The following LMNB1 variants were observed in gnomAD, a reference collection of about 807,000 sequenced individuals.
LMNB1 encodes lamin-B1.
Under a neutral mutation model 67.1 loss-of-function variants are expected in LMNB1, and 23 were observed. The observed-to-expected ratio is 0.34, with a 90% CI of 0.25 to 0.49. LMNB1 has a LOEUF of 0.49. Among genes scored for constraint, LMNB1 ranks in the 20% least tolerant of loss-of-function variants. LMNB1 has a pLI of 0.99. For missense variants in LMNB1, 634 were observed against 746.5 expected (o/e 0.85, Z 1.76); for synonymous variants, 281 against 282.9 (o/e 0.99, Z 0.07).
chr5:126,829,327 G>C (rs181723203), intron 9 of LMNB1, among the ~76,000 whole-genome samples: 1 of 152,048 alleles, frequency 6.6e-6, no homozygotes, highest in East Asian at 1.9e-4. Flanking sequence ...GGGGACGCAG[G>C]ATAGCTGCTG....
intron 1 of LMNB1, among the ~76,000 whole-genome samples, chr5:126,789,788 C>G (rs895468262): frequency 1.3e-5 from 2 of 152,122 alleles, no homozygotes; most frequent in Non-Finnish European, 2.9e-5. Flanking sequence ...ATTCTCCTGC[C>G]TCAGCCTCCT....
At chr5:126,794,869 C>T (rs1751048533) in intron 1 of LMNB1, among the ~76,000 whole-genome samples, 1 of 152,092 alleles carries the variant, frequency 6.6e-6, no homozygotes, top group African/African-American at 2.4e-5. Context: ...ATTTGTTTTT[C>T]TAAATAAGAA....
At chr5:126,820,512 T>G (rs1751837138) in intron 6 of LMNB1, among the ~76,000 whole-genome samples, 1 of 152,014 alleles carries the variant, frequency 6.6e-6, no homozygotes, top group Non-Finnish European at 1.5e-5. Flanking sequence ...AATGCATGGG[T>G]GGGATATTCT....
chr5:126,777,170 G>A lies in LMNB1; in HGVS notation c.-339G>A, dbSNP rs1189764766. On this transcript the variant is annotated 5_prime_UTR_variant, in exon 1 of 11. Transcript: ENST00000261366. ...AGCCTGAGAGGAAACAAAGTGCTGCGAGCAGGAGACGGCGGCGGCGCGAAC... is the reference window on the plus strand; with the variant it reads ...AGCCTGAGAGGAAACAAAGTGCTGCAAGCAGGAGACGGCGGCGGCGCGAAC... 1.9e-5 allele frequency: 4 copies of A among 213,798 alleles called. No individual in the cohort carries two copies. Among genetic ancestry groups the A allele is most frequent in the Admixed American group, 1.2e-4 (2 of 16,928 alleles). 13.2% of individuals were successfully genotyped at this position (213,798 alleles called of 1,614,324 possible).
At chr5:126,778,047 G>A (rs892157074) in intron 1 of LMNB1, among the ~76,000 whole-genome samples, 180 bp downstream of exon 1, 23 of 152,198 alleles carry the variant, frequency 1.5e-4, no homozygotes, top group Non-Finnish European at 3.2e-4. Flanking sequence ...AGCGGAGCAG[G>A]GGTCGCGGAG....
intron 5 of LMNB1, among the ~76,000 whole-genome samples, chr5:126,818,269 C>T (rs1264990145): frequency 2.1e-5 from 3 of 140,914 alleles, no homozygotes; most frequent in Non-Finnish European, 3.0e-5. Context: ...GACAGAGTCT[C>T]GCTCTGTTGC....
intron 1 of LMNB1, among the ~76,000 whole-genome samples, chr5:126,800,982 A>ATATATATTTTTTTTTTTTTTTTT: frequency 5.4e-5 from 1 of 18,630 alleles, no homozygotes; most frequent in Admixed American, 9.5e-4. Flanking sequence ...TATATATATA[A>ATATATATTTTTTTTTTTTTTTTT]TTTTTTTTTT....
intron 1 of LMNB1, among the ~76,000 whole-genome samples, chr5:126,798,770 T>TGTGTGTGTGC (rs1751181348): frequency 1.3e-5 from 2 of 151,436 alleles, no homozygotes; most frequent in Non-Finnish European, 2.9e-5. Flanking sequence ...GAAGTGTGTG[T>TGTGTGTGTGC]GTGTGTGTGT....
intron 1 of LMNB1, among the ~76,000 whole-genome samples, chr5:126,794,619 G>C (rs929726477): frequency 1.3e-5 from 2 of 152,170 alleles, no homozygotes; most frequent in African/African-American, 4.8e-5. Context: ...GTTGAGTGGT[G>C]TTCAGGGGCT....
chr5:126,817,070 G>T (rs889652035), intron 5 of LMNB1, among the ~76,000 whole-genome samples: 1 of 74,206 alleles, frequency 1.3e-5, no homozygotes, highest in South Asian at 4.7e-4. Flanking sequence ...TCCATTCCCC[G>T]TTTGTTTGGT....
At chr5:126,807,756 A>G (rs1751481685) in intron 3 of LMNB1, among the ~76,000 whole-genome samples, 1 of 152,262 alleles carries the variant, frequency 6.6e-6, no homozygotes, top group South Asian at 2.1e-4. Flanking sequence ...AAAAAATAGC[A>G]TCAGTAAAAA....
chr5:126,800,887 G>C (rs1277885822), intron 1 of LMNB1, among the ~76,000 whole-genome samples: 2 of 138,848 alleles, frequency 1.4e-5, no homozygotes, highest in African/African-American at 5.3e-5. Flanking sequence ...CCCAACCTCA[G>C]GTGATCCGCT....
chr5:126,786,665 G>T (rs1206965151), intron 1 of LMNB1, among the ~76,000 whole-genome samples: 2 of 152,144 alleles, frequency 1.3e-5, no homozygotes, highest in African/African-American at 2.4e-5. Flanking sequence ...CATTATCTGT[G>T]GTTGGTACTT....
At chr5:126,814,687 C>T (rs768047166) in intron 5 of LMNB1, among the ~76,000 whole-genome samples, 23 of 152,202 alleles carry the variant, frequency 1.5e-4, no homozygotes, top group Admixed American at 7.2e-4. Context: ...TACAGGCACG[C>T]GCTACCACGC....
intron 9 of LMNB1, 46 bp from the exon 10 acceptor site, chr5:126,832,648 G>A: frequency 7.3e-7 from 1 of 1,362,014 alleles, no homozygotes; most frequent in Non-Finnish European, 1.0e-6. Context: ...CCCCGCATTT[G>A]GTGATTTTAA....
In LMNB1 at chr5:126,777,836, T is replaced by G; in HGVS notation, c.328T>G (p.Cys110Gly). The G allele has an allele frequency of 1.4e-6, 2 of 1,456,718 alleles. No homozygotes were observed. The highest frequency in any genetic ancestry group is 1.8e-6 in the Non-Finnish European group (2 of 1,102,396). 90.2% of individuals were successfully genotyped at this position (1,456,718 alleles called of 1,614,324 possible). ...RAKLQIELGK[C>G]KAEHDQLLLN... ...CAAGCTGCAGATCGAGCTGGGCAAG[T>G]GCAAGGCGGAACACGACCAGCTGCT... The change falls in exon 1 of 11, where the codon TGC (cysteine) becomes GGC (glycine). Residue 110 changes from cysteine to glycine, a missense_variant. Transcript: ENST00000261366.
At chr5:126,827,798 A>G (rs926270865) in intron 9 of LMNB1, among the ~76,000 whole-genome samples, 2 of 152,230 alleles carry the variant, frequency 1.3e-5, no homozygotes, top group African/African-American at 4.8e-5. Flanking sequence ...GTGTGATGTC[A>G]GGAAAGCCAA....
chr5:126,829,950 T>C (rs748021176), intron 9 of LMNB1, among the ~76,000 whole-genome samples: 6 of 152,270 alleles, frequency 3.9e-5, no homozygotes, highest in Middle Eastern at 6.8e-3. Flanking sequence ...AAACAAGATG[T>C]TTTTTATGAG....
rs61726489 is a variant in LMNB1 at position 126,811,811 on chromosome 5, T to C, written c.852T>C (p.Ser284=). Residue 284 remains serine (S), a synonymous_variant, in exon 5 of 11, where the codon TCT becomes TCC. Transcript: ENST00000261366. ...GACTGTCATCAGAGATGAATACTTCTACTGTCAACAGTGCCAGGGAAGAAC... is the reference window on the plus strand; with the variant it reads ...GACTGTCATCAGAGATGAATACTTCCACTGTCAACAGTGCCAGGGAAGAAC... The part of the protein sequence containing the change: ...NARLSSEMNT[S]TVNSAREELM... 7,924 of 1,612,156 alleles carry C rather than the reference T, an allele frequency of 4.9e-3. 49 individuals are homozygous for C. Among genetic ancestry groups the C allele is most frequent in the South Asian group, 0.013 (1,209 of 91,012 alleles).
Sources: allele counts gnomAD v4.1 joint callset (sites outside exome capture counted in the v4.1 genomes callset), GRCh38; gene constraint gnomAD v4.1.1; transcripts MANE v1.5; gene names NCBI Gene and HGNC (gene_info 2026-07-23, HGNC 2026-07-21).